The following TBL3 variants were observed in gnomAD, a reference collection of about 807,000 sequenced individuals.
TBL3 encodes transducin beta-like protein 3.
A neutral mutation model predicts 102.7 loss-of-function variants in TBL3; 71 were observed. The ratio of observed to expected loss-of-function variants is 0.69; its 90% CI spans 0.57 to 0.84. The LOEUF is 0.84. Among genes scored for constraint, TBL3 ranks in the 40% least tolerant of loss-of-function variants. The pLI is 0.00. For synonymous variants in TBL3, 578 were observed against 477.7 expected (o/e 1.21, Z -2.74); for missense variants, 1,188 against 1,098.5 (o/e 1.08, Z -1.15).
chr16:1,976,758 G>T, intron 13 of TBL3, 56 bp from the exon 14 acceptor site: 2 of 1,598,430 alleles, frequency 1.3e-6, no homozygotes, highest in Admixed American at 3.3e-5. Context: ...TGGGGAGCTG[G>T]CCATCAGGGC....
rs376869555 is a variant in TBL3, at chr16:1,974,278, C to T, written c.175C>T (p.Arg59Trp). 27 of 1,596,880 alleles carry T rather than the reference C, an allele frequency of 1.7e-5. No homozygotes were observed. The highest frequency in any genetic ancestry group is 1.7e-4 in the Middle Eastern group (1 of 5,990). ...GGAAGTGGCCTCGGGGGCCGTGCTGCGGAGTCTGGAGCAGGTGAGGGCAGC... is the reference window on the plus strand; with the variant it reads ...GGAAGTGGCCTCGGGGGCCGTGCTGTGGAGTCTGGAGCAGGTGAGGGCAGC... ...ILEVASGAVL[R>W]SLEQEDQEDI... The change falls in exon 3 of 22, where the codon CGG (arginine) becomes TGG (tryptophan). Residue 59 changes from arginine (R) to tryptophan (W), a missense_variant. By Grantham distance (101) the Arg-to-Trp change is moderately radical. Coordinates refer to ENST00000568546, the MANE Select transcript of TBL3 (RefSeq NM_006453.3).
chr16:1,979,197 G>T lies in TBL3; in HGVS notation c.*512G>T. 6.8e-7 allele frequency: 1 copy of T among 1,463,042 alleles called. No homozygotes were observed. The highest frequency in any genetic ancestry group is 9.0e-7 in the Non-Finnish European group (1 of 1,115,486). The allele number at this position is 1,463,042 out of a possible 1,614,324, so 90.6% of individuals were successfully genotyped here. A position where few individuals can be genotyped will look rare whatever the true frequency, so the allele number is the denominator to read the frequency against. ...CGGCGAAGGTCGGGTGGGCACGGTG[G>T]GGGGAGGGGCGGTGGCCTGGGAGGG... is the stretch of plus-strand genomic sequence containing the variant. On this transcript the variant is annotated 3_prime_UTR_variant, in exon 22 of 22. Coordinates refer to ENST00000568546, the MANE Select transcript of TBL3 (RefSeq NM_006453.3).
chr16:1,977,541 G>A lies in TBL3; in HGVS notation c.1770G>A (p.Trp590Ter). The change falls in exon 17 of 22, where the codon TGG becomes TGA. Residue 590 changes from tryptophan (W) to a stop codon, truncating the protein, a stop_gained. Coordinates refer to ENST00000568546, the MANE Select transcript of TBL3 (RefSeq NM_006453.3). LOFTEE classifies it high-confidence loss of function. ...SSGSDGLVKL[W>*]TIKNNECVRT... is the part of the protein sequence containing the mutation. ...GTTCGGATGGCCTCGTGAAGCTCTG[G>A]ACCATCAAGAACAACGAGTGTGTGC... 6.2e-7 allele frequency: 1 copy of A among 1,602,756 alleles called. No homozygotes were observed. Among genetic ancestry groups the A allele is most frequent in the Non-Finnish European group, 8.5e-7 (1 of 1,174,558 alleles).
Position 1,977,516 on chromosome 16 carries a change from G to T in TBL3, c.1745G>T (p.Gly582Val). Residue 582 changes from glycine (G) to valine (V), a missense_variant and splice_region_variant, in exon 17 of 22, where the codon GGT (glycine) becomes GTT (valine). Gly to Val is a moderately radical substitution (Grantham distance 109). Transcript: ENST00000568546. ...GCCTCTCCCCACCCCAAACCCAGCGGTTCGGATGGCCTCGTGAAGCTCTGG... is the reference window on the plus strand; with the variant it reads ...GCCTCTCCCCACCCCAAACCCAGCGTTTCGGATGGCCTCGTGAAGCTCTGG... ...VSRGTQLLSS[G>V]SDGLVKLWTI... The T allele has an allele frequency of 6.2e-7, 1 of 1,608,202 alleles. No individual in the cohort carries two copies. Among genetic ancestry groups the T allele is most frequent in the Admixed American group, 1.7e-5 (1 of 59,620 alleles).
chr16:1,978,589 C>A lies in TBL3; in HGVS notation c.2331C>A (p.Ala777=), dbSNP rs1204396579. 6.2e-7 allele frequency: 1 copy of A among 1,612,788 alleles called. No homozygotes were observed. Among genetic ancestry groups the A allele is most frequent in the Non-Finnish European group, 8.5e-7 (1 of 1,179,868 alleles). ...HFQRLSRTLQ[A]AAFLDFLWHN... ...AGCGGCTCAGCAGGACCCTCCAGGCCGCCGCTTTCTTGGACTTCCTGTGGC... is the reference window on the plus strand; with the variant it reads ...AGCGGCTCAGCAGGACCCTCCAGGCAGCCGCTTTCTTGGACTTCCTGTGGC... The change falls in exon 22 of 22, where the codon GCC becomes GCA. Residue 777 remains alanine (A), a synonymous_variant. Coordinates refer to ENST00000568546, the MANE Select transcript of TBL3 (RefSeq NM_006453.3).
Position 1,976,206 on chromosome 16 carries a change from C to T in TBL3, c.1189-5C>T. 1.2e-6 allele frequency: 2 copies of T among 1,614,164 alleles called. No homozygotes were observed. Among genetic ancestry groups the T allele is most frequent in the Non-Finnish European group, 1.7e-6 (2 of 1,180,036 alleles). ...CAGCCTCTCTCCTCAACTCCCTGTCCCCAGGATCAGAGCGTCCGTATCTGG... is the reference window on the plus strand; with the variant it reads ...CAGCCTCTCTCCTCAACTCCCTGTCTCCAGGATCAGAGCGTCCGTATCTGG... On this transcript the variant is annotated splice_region_variant and splice_polypyrimidine_tract_variant and intron_variant, in intron 12 of 21. Coordinates refer to ENST00000568546, the MANE Select transcript of TBL3 (RefSeq NM_006453.3).
In TBL3 at chr16:1,981,425, G is replaced by C; in HGVS notation, c.*2740G>C. ...GGACTTCCAGGCAGAGCTGCTGGGA[G>C]GAAGAAGAAGAATGAGCTTTCCAGC... On this transcript the variant is annotated 3_prime_UTR_variant, in exon 22 of 22. Coordinates refer to ENST00000568546, the MANE Select transcript of TBL3 (RefSeq NM_006453.3). 1 of 945,858 alleles carries C rather than the reference G, an allele frequency of 1.1e-6. No individual in the cohort carries two copies. The highest frequency in any genetic ancestry group is 1.5e-6 in the Non-Finnish European group (1 of 662,326). The allele number at this position is 945,858 out of a possible 1,614,324, so 58.6% of individuals were successfully genotyped here.
At chr16:1,975,321 G>A (rs763158433) in intron 8 of TBL3, 24 bp from the exon 9 acceptor site, 1 of 1,613,914 alleles carries the variant, frequency 6.2e-7, no homozygotes, top group Non-Finnish European at 8.5e-7. Context: ...CATGATAGCA[G>A]CCTGTGACCC....
chr16:1,972,217 G>A lies in TBL3; in HGVS notation c.41+12G>A. 1 of 1,380,770 alleles carries A rather than the reference G, an allele frequency of 7.2e-7. No homozygotes were observed. Among genetic ancestry groups the A allele is most frequent in the South Asian group, 1.6e-5 (1 of 61,128 alleles). The allele number at this position is 1,380,770 out of a possible 1,614,324, so 85.5% of individuals were successfully genotyped here. The stretch of plus-strand genomic sequence containing the variant: ...CGCTTCAAGACCAAGTGAGCCCGGA[G>A]CTCTGGGGCCGTGCGGGGAGGGAGC... On this transcript the variant is annotated intron_variant, in intron 1 of 21. Transcript: ENST00000568546.
Position 1,979,570 on chromosome 16 carries a change from C to A in TBL3, c.*885C>A. On this transcript the variant is annotated 3_prime_UTR_variant, in exon 22 of 22. Coordinates refer to ENST00000568546, the MANE Select transcript of TBL3 (RefSeq NM_006453.3). ...GGTGGGAGTGGGTGTTTGGAGTCAC[C>A]GCGGGGCCACAGAGGACGAGGCCCG... The A allele has an allele frequency of 6.4e-7, 1 of 1,571,972 alleles. No individual in the cohort carries two copies. Among genetic ancestry groups the A allele is most frequent in the Non-Finnish European group, 8.7e-7 (1 of 1,148,356 alleles).
chr16:1,974,509 C>T, intron 4 of TBL3, 29 bp from the exon 5 acceptor site: 1 of 1,588,422 alleles, frequency 6.3e-7, no homozygotes, highest in South Asian at 1.1e-5. Flanking sequence ...GGTATTGCTG[C>T]CCCTCTGCTG....
Position 1,981,146 on chromosome 16 carries a change from C to A in TBL3, c.*2461C>A. On this transcript the variant is annotated 3_prime_UTR_variant, in exon 22 of 22. Transcript: ENST00000568546. ...CTCTTGATCTGCACCAGGGCTGCCC[C>A]TTGCACTGAAACTGGGTATCGGGGG... 6.2e-7 allele frequency: 1 copy of A among 1,613,590 alleles called. No individual in the cohort carries two copies. Among genetic ancestry groups the A allele is most frequent in the Non-Finnish European group, 8.5e-7 (1 of 1,180,018 alleles).
At chr16:1,973,980 G>A in intron 1 of TBL3, 76 bp from the exon 2 acceptor site, 1 of 1,422,796 alleles carries the variant, frequency 7.0e-7, no homozygotes, top group Non-Finnish European at 9.2e-7. Context: ...ACTTGGAGAG[G>A]AGCACCTAGC....
intron 1 of TBL3, among the ~76,000 whole-genome samples, 171 bp downstream of exon 1, chr16:1,972,376 C>T (rs2083367091): frequency 6.6e-6 from 1 of 152,194 alleles, no homozygotes; most frequent in African/African-American, 2.4e-5. Context: ...AGAGCCGGCC[C>T]CGGCTGCTCT....
rs375463245 is a variant in TBL3, at chr16:1,979,941, G to A, written c.*1256G>A. The A allele has an allele frequency of 1.9e-6, 3 of 1,575,992 alleles. No individual in the cohort carries two copies. The highest frequency in any genetic ancestry group is 2.7e-5 in the African/African-American group (2 of 74,266). On this transcript the variant is annotated 3_prime_UTR_variant, in exon 22 of 22. Coordinates refer to ENST00000568546, the MANE Select transcript of TBL3 (RefSeq NM_006453.3). Reference sequence around the variant, plus strand: ...AGCGGGCAGGGACTCAAATCTCGAGGCTCCCTCGGGTCCAGGAGCAGAGGA... The same window carrying A: ...AGCGGGCAGGGACTCAAATCTCGAGACTCCCTCGGGTCCAGGAGCAGAGGA...
intron 1 of TBL3, among the ~76,000 whole-genome samples, chr16:1,973,257 G>A (rs960253592): frequency 2.6e-5 from 4 of 152,062 alleles, no homozygotes; most frequent in South Asian, 2.1e-4. Context: ...GTGAAACCCC[G>A]TCTCTACTAA....
rs1555486285 is a variant in TBL3, at chr16:1,982,127, A to G, written c.*3442A>G. On this transcript the variant is annotated 3_prime_UTR_variant, in exon 22 of 22. Transcript: ENST00000568546. ...GGTTTTTCCTCGTGCTGGGGCCACC[A>G]GTTCTGTGTTGGGATGCACCTACTC... The G allele has an allele frequency of 1.3e-5, 2 of 152,144 alleles. No homozygotes were observed. The highest frequency in any genetic ancestry group is 2.1e-4 in the South Asian group (1 of 4,826). 9.4% of individuals were successfully genotyped at this position (152,144 alleles called of 1,614,324 possible). A position where few individuals can be genotyped will look rare whatever the true frequency, so the allele number is the denominator to read the frequency against.
At position 1,976,200 on chromosome 16, in the gene TBL3, CCT is replaced by C. The variant is rs1555484827; in HGVS notation, c.1189-10_1189-9del. The C allele has an allele frequency of 8.7e-6, 14 of 1,614,044 alleles. No individual in the cohort carries two copies. The highest frequency in any genetic ancestry group is 4.0e-5 in the African/African-American group (3 of 74,956). On this transcript the variant is annotated splice_polypyrimidine_tract_variant and intron_variant, in intron 12 of 21. Coordinates refer to ENST00000568546, the MANE Select transcript of TBL3 (RefSeq NM_006453.3). ...ATGGACCAGCCTCTCTCCTCAACTCCCTGTCCCCAGGATCAGAGCGTCCGTAT... is the reference window on the plus strand; with the variant it reads ...ATGGACCAGCCTCTCTCCTCAACTCCGTCCCCAGGATCAGAGCGTCCGTAT...
At position 1,981,075 on chromosome 16, in the gene TBL3, C is replaced by G. The variant is rs748738988; in HGVS notation, c.*2390C>G. ...AGGTGCTGGTCCAGGCACCCCCTTC[C>G]TATCCCTTGGGGCCACTAAGGACCC... is the stretch of plus-strand genomic sequence containing the variant. On this transcript the variant is annotated 3_prime_UTR_variant, in exon 22 of 22. Coordinates refer to ENST00000568546, the MANE Select transcript of TBL3 (RefSeq NM_006453.3). 6.4e-5 allele frequency: 103 copies of G among 1,610,454 alleles called. No homozygotes were observed. Among genetic ancestry groups the G allele is most frequent in the Non-Finnish European group, 8.5e-5 (100 of 1,177,382 alleles).
Sources: gnomAD v4.1 joint callset for allele counts (sites outside exome capture counted in the v4.1 genomes callset) on GRCh38, gnomAD v4.1.1 for gene constraint, MANE v1.5 for transcripts, NCBI Gene and HGNC (gene_info 2026-07-23, HGNC 2026-07-21) for gene names.